TBCA: variants seen among roughly 807,000 people sequenced by gnomAD.
TBCA encodes the protein tubulin folding cofactor A.
Under a neutral mutation model 15.8 loss-of-function variants are expected in TBCA, and 6 were observed. That is an observed-to-expected ratio of 0.38 (90% confidence interval 0.21 to 0.75). The LOEUF (loss-of-function observed/expected upper bound fraction) is 0.75. TBCA is among the 30% of genes least tolerant of loss of function. TBCA has a pLI of 0.46. For synonymous variants in TBCA, 32 were observed against 42.3 expected (o/e 0.76, Z 0.94); for missense variants, 90 against 131.2 (o/e 0.69, Z 1.53).
At position 77,744,597 on chromosome 5, in the gene TBCA, G is replaced by A. The variant is rs529500471; in HGVS notation, c.53+31608C>T. 2.6e-4 allele frequency among the ~76,000 whole-genome samples: 36 copies of A among 138,862 alleles called. No homozygotes were observed. In the South Asian group the frequency reaches 4.7e-3, roughly 18 times the overall value. The allele number at this position is 138,862 out of a possible 152,430, so 91.1% of individuals were successfully genotyped here. A position where few individuals can be genotyped will look rare whatever the true frequency, so the allele number is the denominator to read the frequency against. On this transcript the variant is annotated intron_variant, in intron 1 of 3. Coordinates refer to ENST00000380377, the MANE Select transcript of TBCA (RefSeq NM_004607.3). ...TGTCACCACACTGGAGGACAGTGGC[G>A]CGATCTCGGCTCACTGCAACCTCCG...
chr5:77,715,046 G>A (rs1008792071), intron 1 of TBCA, among the ~76,000 whole-genome samples: 2 of 152,210 alleles, frequency 1.3e-5, no homozygotes, highest in East Asian at 3.8e-4. Flanking sequence ...CCGTGAAGGA[G>A]GACTGGTAAT....
At chr5:77,722,758 G>T (rs56202544) in intron 1 of TBCA, among the ~76,000 whole-genome samples, 22,489 of 151,536 alleles carry the variant, frequency 0.15, 2,192 homozygotes, top group East Asian at 0.35. Context: ...TGATAAATTT[G>T]TTCCTAAATT....
chr5:77,758,523 A>G (rs1367700393), intron 1 of TBCA, among the ~76,000 whole-genome samples: 2 of 152,226 alleles, frequency 1.3e-5, no homozygotes, highest in Non-Finnish European at 1.5e-5. Flanking sequence ...CTCGGATTTT[A>G]AGACAGTAGC....
Position 77,693,554 on chromosome 5 carries a change from T to G in TBCA, c.160-202A>C, listed in dbSNP as rs1286140699. ...TGGCTCACGCCTGTAATCCCAGCAT[T>G]TTGGGAGACCGAGGCAGGCAGATCA... On this transcript the variant is annotated intron_variant, in intron 2 of 3. Transcript: ENST00000380377. 3 of 633,632 alleles carry G rather than the reference T, an allele frequency of 4.7e-6. No homozygotes were observed. In the East Asian group the frequency reaches 9.8e-5, roughly 21 times the overall value. 39.3% of individuals were successfully genotyped at this position (633,632 alleles called of 1,614,324 possible). A position where few individuals can be genotyped will look rare whatever the true frequency, so the allele number is the denominator to read the frequency against.
At chr5:77,713,452 A>G (rs1746329131) in intron 1 of TBCA, among the ~76,000 whole-genome samples, 3 of 152,312 alleles carry the variant, frequency 2.0e-5, no homozygotes, top group African/African-American at 7.2e-5. Flanking sequence ...TGGATATTTA[A>G]GCCATTCCCT....
intron 1 of TBCA, among the ~76,000 whole-genome samples, chr5:77,766,287 T>TAA (rs1464320500): frequency 6.6e-6 from 1 of 152,166 alleles, no homozygotes; most frequent in Non-Finnish European, 1.5e-5. Context: ...AGAACTGTAA[T>TAA]AATTTTTAAA....
At chr5:77,712,358 T>C (rs1473247844) in intron 1 of TBCA, among the ~76,000 whole-genome samples, 1 of 152,174 alleles carries the variant, frequency 6.6e-6, no homozygotes, top group Non-Finnish European at 1.5e-5. Flanking sequence ...AGGCTGAGCA[T>C]CTTTATGCTT....
chr5:77,732,002 G>A (rs372711300), intron 1 of TBCA, among the ~76,000 whole-genome samples: 4 of 152,196 alleles, frequency 2.6e-5, no homozygotes, highest in African/African-American at 9.6e-5. Context: ...CCACAGCCTG[G>A]GTGTTTGGAG....
intron 1 of TBCA, among the ~76,000 whole-genome samples, chr5:77,738,383 C>G (rs1746957620): frequency 6.6e-6 from 1 of 152,140 alleles, no homozygotes; most frequent in African/African-American, 2.4e-5. Context: ...AAGTTACTTG[C>G]CCCCTGACCC....
chr5:77,751,410 C>T (rs1256248760), intron 1 of TBCA, among the ~76,000 whole-genome samples: 5 of 151,904 alleles, frequency 3.3e-5, no homozygotes, highest in Non-Finnish European at 7.4e-5. Context: ...AAATCCTGAC[C>T]TCAGGCGATC....
intron 1 of TBCA, among the ~76,000 whole-genome samples, chr5:77,753,789 C>T (rs970993469): frequency 2.6e-5 from 4 of 152,074 alleles, no homozygotes; most frequent in Non-Finnish European, 4.4e-5. Context: ...TTTTCATTCT[C>T]GCTCTGTTGC....
rs185942100 is a variant in TBCA at position 77,713,742 on chromosome 5, T to C, written c.54-5395A>G. Among the ~76,000 whole-genome samples, 581 of 152,218 alleles carry C rather than the reference T, an allele frequency of 3.8e-3. 2 individuals carry two copies. The highest frequency in any genetic ancestry group is 6.9e-3 in the Non-Finnish European group (470 of 68,008). On this transcript the variant is annotated intron_variant, in intron 1 of 3. Transcript: ENST00000380377. ...TTTTAGTCAAAGAAAATATGCCAAA[T>C]TTAACTATTTAAACATTAATAAGCA...
chr5:77,746,622 G>A (rs1194529568), intron 1 of TBCA, among the ~76,000 whole-genome samples: 6 of 152,112 alleles, frequency 3.9e-5, no homozygotes, highest in Non-Finnish European at 5.9e-5. Context: ...ACAGTCTCAT[G>A]AATATTTTGT....
At chr5:77,733,074 A>G (rs1443520865) in intron 1 of TBCA, among the ~76,000 whole-genome samples, 1 of 152,192 alleles carries the variant, frequency 6.6e-6, no homozygotes, top group East Asian at 1.9e-4. Flanking sequence ...TGAGGTCAGG[A>G]GTTTGAGACC....
chr5:77,739,742 A>G (rs1746990355), intron 1 of TBCA, among the ~76,000 whole-genome samples: 1 of 152,196 alleles, frequency 6.6e-6, no homozygotes, highest in African/African-American at 2.4e-5. Flanking sequence ...CTTTTGAACT[A>G]CAGTGGCAAG....
chr5:77,732,201 T>C (rs916349757), intron 1 of TBCA, among the ~76,000 whole-genome samples: 4 of 152,178 alleles, frequency 2.6e-5, no homozygotes, highest in African/African-American at 9.7e-5. Context: ...ACAGAGTGAC[T>C]ACAGGTTTCC....
intron 1 of TBCA, among the ~76,000 whole-genome samples, chr5:77,761,653 A>G (rs1747644022): frequency 6.6e-6 from 1 of 150,384 alleles, no homozygotes. Flanking sequence ...AAAAAAAAAT[A>G]CTCTAATGCA....
chr5:77,691,626 T>A, intron 3 of TBCA, 128 bp from the exon 4 acceptor site: 2 of 1,412,628 alleles, frequency 1.4e-6, no homozygotes, highest in Non-Finnish European at 1.8e-6. Context: ...CCAAGCCTCA[T>A]CTAAATATAT....
intron 1 of TBCA, among the ~76,000 whole-genome samples, chr5:77,708,979 T>G (rs929091523): frequency 7.4e-6 from 1 of 135,000 alleles, no homozygotes; most frequent in Non-Finnish European, 1.6e-5. Context: ...TTAATACAAC[T>G]GTCTTTTTTT....
Sources: gnomAD v4.1 joint callset for allele counts (sites outside exome capture counted in the v4.1 genomes callset) on GRCh38, gnomAD v4.1.1 for gene constraint, MANE v1.5 for transcripts, NCBI Gene and HGNC (gene_info 2026-07-23, HGNC 2026-07-21) for gene names.